ZNF214: variants seen among roughly 807,000 people sequenced by gnomAD.
ZNF214 encodes BWSCR2-associated zinc finger protein 1.
A neutral mutation model predicts 53.9 loss-of-function variants in ZNF214; 43 were observed. The observed-to-expected ratio is 0.80, with a 90% CI of 0.63 to 1.03. The LOEUF (loss-of-function observed/expected upper bound fraction) is 1.03, where lower values mean the gene tolerates loss of function less well. Ranked by LOEUF, ZNF214 falls within the 50% of genes least tolerant of loss-of-function variation. ZNF214 has a pLI of 0.00. For synonymous variants in ZNF214, 217 were observed against 229.5 expected, an observed-to-expected ratio of 0.95 and a Z score of 0.49; for missense variants, 724 against 719.1, an observed-to-expected ratio of 1.01 and a Z score of -0.08.
intron 1 of ZNF214, among the ~76,000 whole-genome samples, chr11:7,015,525 CAA>C (rs753105766): frequency 1.3e-5 from 2 of 151,800 alleles, no homozygotes; most frequent in Non-Finnish European, 2.9e-5. Context: ...TGCAGTGAGC[CAA>C]GAGTGTGCCA....
At position 7,000,411 on chromosome 11, in the gene ZNF214, G is replaced by A; in HGVS notation, c.1272C>T (p.Thr424=). ...GATGAATTTGAAGATTTGAGCGCTG[G>A]GTAAAGCCTTTACCACAGTCTTCAC... ...YKCEDCGKGF[T]QRSNLQIHQR... Residue 424 remains threonine, a synonymous_variant, in exon 3 of 3, where the codon ACC becomes ACT. Transcript: ENST00000278314. The A allele has an allele frequency of 6.2e-7, 1 of 1,613,088 alleles. No individual in the cohort carries two copies.
At chr11:7,010,899 A>G (rs970161501) in intron 1 of ZNF214, among the ~76,000 whole-genome samples, 1 of 151,932 alleles carries the variant, frequency 6.6e-6, no homozygotes, top group Non-Finnish European at 1.5e-5. Flanking sequence ...TATGAGCTAT[A>G]GGCAAATACA....
At position 7,020,149 on chromosome 11, in the gene ZNF214, A is replaced by C. The variant is rs920539495; in HGVS notation, c.-97T>G. 3 of 152,478 alleles carry C rather than the reference A, an allele frequency of 2.0e-5. No individual in the cohort carries two copies. The highest frequency in any genetic ancestry group is 7.2e-5 in the African/African-American group (3 of 41,406). 9.4% of individuals were successfully genotyped at this position (152,478 alleles called of 1,614,324 possible). A position where few individuals can be genotyped will look rare whatever the true frequency, so the allele number is the denominator to read the frequency against. ...GGTGTCTCTGGGGTTTCTAAACCGGAGTAGCTTCTCAGTCCCTGACCCTCG... is the reference window on the plus strand; with the variant it reads ...GGTGTCTCTGGGGTTTCTAAACCGGCGTAGCTTCTCAGTCCCTGACCCTCG... On this transcript the variant is annotated 5_prime_UTR_variant, in exon 1 of 3. Coordinates refer to ENST00000278314, the MANE Select transcript of ZNF214 (RefSeq NM_013249.4).
intron 1 of ZNF214, among the ~76,000 whole-genome samples, chr11:7,007,691 C>A (rs775414006): frequency 6.6e-6 from 1 of 151,252 alleles, no homozygotes; most frequent in Admixed American, 6.6e-5. Context: ...TTAATATGTC[C>A]CTCTCAAAAA....
At chr11:7,002,940 A>G (rs1851388584) in intron 1 of ZNF214, 85 bp from the exon 2 acceptor site, 1 of 1,353,124 alleles carries the variant, frequency 7.4e-7, no homozygotes, top group Admixed American at 3.0e-5. Flanking sequence ...AATAGAAAAA[A>G]CAAGAACTTC....
At chr11:7,008,451 A>C (rs1257691934) in intron 1 of ZNF214, among the ~76,000 whole-genome samples, 4 of 151,910 alleles carry the variant, frequency 2.6e-5, no homozygotes, top group African/African-American at 9.7e-5. Flanking sequence ...AAATAAATAA[A>C]ATTAAAAAAC....
intron 1 of ZNF214, among the ~76,000 whole-genome samples, chr11:7,013,290 T>A (rs966818650): frequency 1.3e-5 from 2 of 152,198 alleles, no homozygotes; most frequent in Non-Finnish European, 2.9e-5. Context: ...GTGGAAACAA[T>A]GTCAGTCACA....
chr11:7,015,905 G>T (rs898922335), intron 1 of ZNF214: 1 of 152,020 alleles, frequency 6.6e-6, no homozygotes, highest in African/African-American at 2.4e-5. Context: ...ATGGAAACGG[G>T]TACAAATCCA....
chr11:7,013,139 A>G (rs1310004998), intron 1 of ZNF214, among the ~76,000 whole-genome samples: 2 of 152,164 alleles, frequency 1.3e-5, no homozygotes, highest in Non-Finnish European at 2.9e-5. Context: ...GTTGCCCAAA[A>G]GAAAGTCAAG....
Position 7,001,015 on chromosome 11 carries a change from T to G in ZNF214, c.668A>C (p.Lys223Thr). The change falls in exon 3 of 3, where the codon AAA becomes ACA. Residue 223 changes from lysine (K) to threonine (T), a missense_variant. Physicochemically the swap from Lys to Thr is moderately conservative, Grantham distance 78 (BLOSUM62 -1). Coordinates refer to ENST00000278314, the MANE Select transcript of ZNF214 (RefSeq NM_013249.4). ...SMEEKYCGCN[K>T]CKGIYYWNSR... Reference sequence around the variant, plus strand: ...GTTCCAATAATAAATTCCTTTACATTTATTACATCCACAGTACTTTTCTTC... The same window carrying G: ...GTTCCAATAATAAATTCCTTTACATGTATTACATCCACAGTACTTTTCTTC... 6.2e-7 allele frequency: 1 copy of G among 1,613,184 alleles called. No individual in the cohort carries two copies. The highest frequency in any genetic ancestry group is 8.5e-7 in the Non-Finnish European group (1 of 1,179,572).
intron 1 of ZNF214, among the ~76,000 whole-genome samples, chr11:7,008,836 T>C (rs1330018042): frequency 2.6e-5 from 4 of 152,050 alleles, no homozygotes; most frequent in Non-Finnish European, 5.9e-5. Flanking sequence ...CCATTTACAA[T>C]AGCCACAAAA....
At chr11:7,001,612 CAACT>C in intron 2 of ZNF214, 57 bp from the exon 3 acceptor site, 1 of 1,516,152 alleles carries the variant, frequency 6.6e-7, no homozygotes, top group Non-Finnish European at 8.8e-7. Flanking sequence ...GAAAAATTTC[CAACT>C]ATCTAAATCA....
Position 7,001,079 on chromosome 11 carries a change from C to A in ZNF214, c.604G>T (p.Gly202Trp), listed in dbSNP as rs747063771. 1.2e-6 allele frequency: 2 copies of A among 1,613,176 alleles called. No homozygotes were observed. Among genetic ancestry groups the A allele is most frequent in the South Asian group, 2.2e-5 (2 of 91,050 alleles). ...AGTAGGTCTTCTTGACATATCACCC[C>A]AACATACTGTGGAAGGGCTTCCTCC... is the stretch of plus-strand genomic sequence containing the variant. ...PVEEALPQYV[G>W]VICQEDLLRD... The change falls in exon 3 of 3, where the codon GGG (glycine) becomes TGG (tryptophan). Residue 202 changes from glycine (G) to tryptophan (W), a missense_variant. Gly to Trp is a radical substitution (Grantham distance 184). Coordinates refer to ENST00000278314, the MANE Select transcript of ZNF214 (RefSeq NM_013249.4).
chr11:7,010,340 G>A (rs181411732), intron 1 of ZNF214, among the ~76,000 whole-genome samples: 59 of 152,004 alleles, frequency 3.9e-4, no homozygotes, highest in African/African-American at 1.4e-3. Context: ...AATACTGCAC[G>A]TTCTCAATTA....
At chr11:7,012,872 A>G (rs910583207) in intron 1 of ZNF214, among the ~76,000 whole-genome samples, 1 of 152,152 alleles carries the variant, frequency 6.6e-6, no homozygotes, top group African/African-American at 2.4e-5. Context: ...AACAACAATA[A>G]TTATTTACTA....
intron 1 of ZNF214, among the ~76,000 whole-genome samples, chr11:7,012,509 T>G (rs1230626198): frequency 6.6e-6 from 1 of 152,076 alleles, no homozygotes; most frequent in African/African-American, 2.4e-5. Flanking sequence ...GAGCCAGTCC[T>G]TTGAGAGGAA....
chr11:7,014,936 G>A (rs1851723676), intron 1 of ZNF214, among the ~76,000 whole-genome samples: 1 of 151,788 alleles, frequency 6.6e-6, no homozygotes, highest in Non-Finnish European at 1.5e-5. Flanking sequence ...TGTATGCCGA[G>A]TTCAATGGTG....
intron 1 of ZNF214, among the ~76,000 whole-genome samples, chr11:7,013,065 G>C (rs1851643833): frequency 6.6e-6 from 1 of 152,142 alleles, no homozygotes; most frequent in African/African-American, 2.4e-5. Context: ...ATGTTGATGA[G>C]AGATCTGTTT....
rs964014368 is a variant in ZNF214, at chr11:6,998,453, GTTCT to G, written c.*1405_*1408del. On this transcript the variant is annotated 3_prime_UTR_variant, in exon 3 of 3. Coordinates refer to ENST00000278314, the MANE Select transcript of ZNF214 (RefSeq NM_013249.4). Reference sequence around the variant, plus strand: ...CCTCCATCCTCTGATATTCATATCTGTTCTTTCTTAGTTTCCATCTCATTATCCT... The same window carrying G: ...CCTCCATCCTCTGATATTCATATCTGTTCTTAGTTTCCATCTCATTATCCT... Among the ~76,000 whole-genome samples the G allele has an allele frequency of 5.3e-5, 8 of 151,856 alleles. No individual in the cohort carries two copies. Among genetic ancestry groups the G allele is most frequent in the African/African-American group, 1.7e-4 (7 of 41,366 alleles).
Sources: gnomAD v4.1 joint callset for allele counts (sites outside exome capture counted in the v4.1 genomes callset) on GRCh38, gnomAD v4.1.1 for gene constraint, MANE v1.5 for transcripts, NCBI Gene and HGNC (gene_info 2026-07-23, HGNC 2026-07-21) for gene names.